The following ZNF407 variants were observed in gnomAD, a reference collection of about 807,000 sequenced individuals.
ZNF407 encodes the protein zinc finger protein 407.
ZNF407 carries 17 observed loss-of-function variants against 131.2 expected under a neutral mutation model. The ratio of observed to expected loss-of-function variants is 0.13; its 90% CI spans 0.09 to 0.19. The LOEUF (loss-of-function observed/expected upper bound fraction) is 0.19, where lower values mean the gene tolerates loss of function less well. Ranked by LOEUF, ZNF407 falls within the 10% of genes least tolerant of loss-of-function variation. The pLI, the probability that ZNF407 is intolerant of heterozygous loss-of-function variation, is 1.00. For missense variants in ZNF407, 2,681 were observed against 2,830.6 expected (o/e 0.95, Z 1.20); for synonymous variants, 1,156 against 1,062.0 (o/e 1.09, Z -1.72).
At chr18:74,988,948 A>G (rs1245291644) in intron 8 of ZNF407, among the ~76,000 whole-genome samples, 1 of 152,222 alleles carries the variant, frequency 6.6e-6, no homozygotes. Flanking sequence ...CCTATCCACT[A>G]TATAACCTAG....
chr18:74,895,122 C>T (rs183343154), intron 7 of ZNF407, among the ~76,000 whole-genome samples: 31 of 152,126 alleles, frequency 2.0e-4, no homozygotes, highest in Admixed American at 1.8e-3. Context: ...GTTGGAAATA[C>T]ACTTTGGGTA....
At chr18:75,044,353 CA>C (rs1453487161) in intron 8 of ZNF407, among the ~76,000 whole-genome samples, 7 of 146,830 alleles carry the variant, frequency 4.8e-5, no homozygotes, top group African/African-American at 1.8e-4. Flanking sequence ...AAAAAAAAAA[CA>C]GGTTTTTGTT....
chr18:74,624,662 T>G (rs1455491039), intron 1 of ZNF407, among the ~76,000 whole-genome samples: 1 of 152,180 alleles, frequency 6.6e-6, no homozygotes, highest in African/African-American at 2.4e-5. Flanking sequence ...CCTTCTGTGA[T>G]CTGGACCTGG....
chr18:74,964,913 G>C (rs1972393024), intron 8 of ZNF407, among the ~76,000 whole-genome samples: 1 of 152,166 alleles, frequency 6.6e-6, no homozygotes, highest in African/African-American at 2.4e-5. Flanking sequence ...AACTAGAATG[G>C]CTTCTTGTAT....
chr18:74,939,729 G>A (rs558756778), intron 8 of ZNF407, among the ~76,000 whole-genome samples: 1 of 152,282 alleles, frequency 6.6e-6, no homozygotes, highest in East Asian at 1.9e-4. Flanking sequence ...ACAGTGTGTT[G>A]CTTTTTGTAA....
In ZNF407 at chr18:74,617,883, G is replaced by A. The variant is rs879071109; in HGVS notation, c.-53-13084G>A. ...CCCCCTAGATTTGGTATTCCTTGAT[G>A]ATTCTTGCTTGATATGGTCTTTGCC... On this transcript the variant is annotated intron_variant, in intron 1 of 8. Coordinates refer to ENST00000299687, the MANE Select transcript of ZNF407 (RefSeq NM_017757.3). Among the ~76,000 whole-genome samples the A allele has an allele frequency of 8.6e-3, 1,303 of 152,260 alleles. 7 individuals are homozygous for A. Among genetic ancestry groups the A allele is most frequent in the Middle Eastern group, 0.017 (5 of 294 alleles).
chr18:74,992,505 G>A (rs765252776), intron 8 of ZNF407, among the ~76,000 whole-genome samples: 41 of 152,204 alleles, frequency 2.7e-4, no homozygotes, highest in Non-Finnish European at 4.9e-4. Context: ...AAACATCACT[G>A]GTGTGATGGG....
intron 4 of ZNF407, among the ~76,000 whole-genome samples, chr18:74,852,857 G>C (rs1433799794): frequency 2.6e-5 from 4 of 152,110 alleles, no homozygotes; most frequent in Non-Finnish European, 1.5e-5. Context: ...ATTAGGTTAG[G>C]AGTAGTTCAC....
intron 1 of ZNF407, among the ~76,000 whole-genome samples, chr18:74,608,559 C>T (rs750568109): frequency 1.3e-5 from 2 of 152,066 alleles, no homozygotes; most frequent in Non-Finnish European, 2.9e-5. Flanking sequence ...GTTGGCCAGG[C>T]GGGTCTTGAA....
intron 8 of ZNF407, among the ~76,000 whole-genome samples, chr18:74,922,738 T>C (rs1971862520): frequency 1.3e-5 from 2 of 152,198 alleles, no homozygotes; most frequent in South Asian, 2.1e-4. Flanking sequence ...CAAGTCTCTA[T>C]GTAAAGACAG....
At chr18:74,724,779 A>G (rs1311781879) in intron 3 of ZNF407, among the ~76,000 whole-genome samples, 2 of 152,116 alleles carry the variant, frequency 1.3e-5, no homozygotes, top group Non-Finnish European at 2.9e-5. Context: ...TTGCCTTTAT[A>G]TATGACCAGT....
In ZNF407 at chr18:74,605,136, T is replaced by C. The variant is rs968760057; in HGVS notation, c.-54+7199T>C. 2.9e-4 allele frequency among the ~76,000 whole-genome samples: 44 copies of C among 152,282 alleles called. 1 individual carries two copies. The highest frequency in any genetic ancestry group is 2.0e-4 in the Admixed American group (3 of 15,298). On this transcript the variant is annotated intron_variant, in intron 1 of 8. Transcript: ENST00000299687. ...AGAAATGGAGTGCATTCTCTTGATA[T>C]TTGGGGTCTGCCTTCCCGGGGCCAT...
At chr18:75,059,956 A>G (rs1973605868) in intron 8 of ZNF407, among the ~76,000 whole-genome samples, 1 of 152,098 alleles carries the variant, frequency 6.6e-6, no homozygotes. Context: ...AATTGGGAGG[A>G]GGGAGAAAGG....
intron 3 of ZNF407, among the ~76,000 whole-genome samples, chr18:74,750,257 A>G (rs1012623697): frequency 6.6e-6 from 1 of 152,154 alleles, no homozygotes; most frequent in Non-Finnish European, 1.5e-5. Flanking sequence ...TTGCCTACCA[A>G]CATAAGATGC....
At chr18:74,643,369 C>T (rs944997732) in intron 3 of ZNF407, among the ~76,000 whole-genome samples, 18 of 152,010 alleles carry the variant, frequency 1.2e-4, no homozygotes, top group African/African-American at 3.6e-4. Flanking sequence ...AAAGGTGAAG[C>T]GATCTTTCAG....
At chr18:74,716,939 T>G (rs1174310468) in intron 3 of ZNF407, among the ~76,000 whole-genome samples, 1 of 152,212 alleles carries the variant, frequency 6.6e-6, no homozygotes, top group Admixed American at 6.5e-5. Flanking sequence ...ACTCGAACAT[T>G]CATAGAGAAA....
chr18:74,720,992 A>G (rs1249833492), intron 3 of ZNF407, among the ~76,000 whole-genome samples: 1 of 145,412 alleles, frequency 6.9e-6, no homozygotes, highest in Non-Finnish European at 1.5e-5. Flanking sequence ...TTGTGGTTTC[A>G]TTAACATTTT....
At chr18:74,882,014 T>C (rs1414421816) in intron 6 of ZNF407, among the ~76,000 whole-genome samples, 2 of 152,144 alleles carry the variant, frequency 1.3e-5, no homozygotes, top group African/African-American at 4.8e-5. Flanking sequence ...GTGAGACTTA[T>C]TCACTATCAG....
At chr18:74,653,326 A>G (rs997254424) in intron 3 of ZNF407, among the ~76,000 whole-genome samples, 2 of 151,974 alleles carry the variant, frequency 1.3e-5, no homozygotes, top group Non-Finnish European at 2.9e-5. Flanking sequence ...TCAGTTGTCT[A>G]TATTTTGAGT....
Sources: gnomAD v4.1 joint callset for allele counts (sites outside exome capture counted in the v4.1 genomes callset) on GRCh38, gnomAD v4.1.1 for gene constraint, MANE v1.5 for transcripts, NCBI Gene and HGNC (gene_info 2026-07-23, HGNC 2026-07-21) for gene names.